The following VMP1 variants were observed in gnomAD, a reference collection of about 807,000 sequenced individuals.
VMP1 encodes the protein vacuole membrane protein 1.
In VMP1, 11 loss-of-function variants were observed where a neutral mutation model predicts 56.0. The ratio of observed to expected loss-of-function variants is 0.20; its 90% CI spans 0.12 to 0.32. The LOEUF is 0.32. Among genes scored for constraint, VMP1 ranks in the 10% least tolerant of loss-of-function variants. The pLI, the probability that VMP1 is intolerant of heterozygous loss-of-function variation, is 1.00. For synonymous variants in VMP1, 149 were observed against 165.0 expected (o/e 0.90, Z 0.74); for missense variants, 296 against 490.3 (o/e 0.60, Z 3.74).
intron 7 of VMP1, among the ~76,000 whole-genome samples, chr17:59,801,884 A>AAAAAC (rs906342032): frequency 3.4e-4 from 51 of 152,070 alleles, no homozygotes; most frequent in Middle Eastern, 3.4e-3. Flanking sequence ...ACTCCATCTC[A>AAAAAC]AAAACAAAAC....
At chr17:59,837,349 A>T (rs1354666258) in intron 10 of VMP1, among the ~76,000 whole-genome samples, 2 of 152,156 alleles carry the variant, frequency 1.3e-5, no homozygotes, top group African/African-American at 2.4e-5. Context: ...CCTATGTAAC[A>T]GGTAAGAAAC....
At position 59,805,485 on chromosome 17, in the gene VMP1, G is replaced by A. The variant is rs1208099550; in HGVS notation, c.715-3311G>A. On this transcript the variant is annotated intron_variant, in intron 7 of 11. Coordinates refer to ENST00000262291, the MANE Select transcript of VMP1 (RefSeq NM_030938.5). ...TTTTTTTCTTTATATAAACCAGTTGGTATAATTATACCTCTTTTCCTATTT... is the reference window on the plus strand; with the variant it reads ...TTTTTTTCTTTATATAAACCAGTTGATATAATTATACCTCTTTTCCTATTT... Among the ~76,000 whole-genome samples the A allele has an allele frequency of 4.6e-5, 7 of 151,942 alleles. No homozygotes were observed. The South Asian group carries it at 1.2e-3, about 27-fold the overall frequency.
chr17:59,732,326 A>T (rs949060014), intron 2 of VMP1, among the ~76,000 whole-genome samples: 1 of 151,954 alleles, frequency 6.6e-6, no homozygotes, highest in Non-Finnish European at 1.5e-5. Flanking sequence ...GCTCACTGCA[A>T]CCTCCGCCTC....
At chr17:59,780,522 G>C (rs2036781937) in intron 7 of VMP1, among the ~76,000 whole-genome samples, 1 of 152,198 alleles carries the variant, frequency 6.6e-6, no homozygotes, top group African/African-American at 2.4e-5. Flanking sequence ...GCAATAAAAA[G>C]TGAAGAACTA....
At chr17:59,801,936 C>G (rs2037681901) in intron 7 of VMP1, among the ~76,000 whole-genome samples, 1 of 152,076 alleles carries the variant, frequency 6.6e-6, no homozygotes, top group Admixed American at 6.6e-5. Context: ...TGTAGTGACT[C>G]ACGCCTGTAA....
intron 5 of VMP1, among the ~76,000 whole-genome samples, chr17:59,763,999 C>G (rs912667153): frequency 1.3e-5 from 2 of 152,146 alleles, no homozygotes; most frequent in Non-Finnish European, 2.9e-5. Context: ...TTAACCAACT[C>G]CCTAGTATGC....
chr17:59,824,148 G>A lies in VMP1; in HGVS notation c.974+6375G>A, dbSNP rs529681160. On this transcript the variant is annotated intron_variant, in intron 10 of 11. Transcript: ENST00000262291. The stretch of plus-strand genomic sequence containing the variant: ...CACCTGTCGTCCCAGCTACTCAGGA[G>A]GCTGAGGCAGGAGAATCACTTGAAC... Among the ~76,000 whole-genome samples, 28 of 151,996 alleles carry A rather than the reference G, an allele frequency of 1.8e-4. No individual in the cohort carries two copies. In the East Asian group the frequency reaches 5.1e-3, roughly 28 times the overall value.
chr17:59,781,013 A>T (rs2132715), intron 7 of VMP1, among the ~76,000 whole-genome samples: 28,762 of 152,146 alleles, frequency 0.19, 3,354 homozygotes, highest in East Asian at 0.44. Context: ...AGTTTCAGAT[A>T]AGGTGTATAA....
Position 59,717,452 on chromosome 17 carries a change from G to A in VMP1, c.-27+9704G>A, listed in dbSNP as rs1391193371. On this transcript the variant is annotated intron_variant, in intron 1 of 11. Transcript: ENST00000262291. ...GGCAGGAGTGCAGTGGCACTGTCTA[G>A]GCCCACTGCAACCTCCACCTCCCAG... Among the ~76,000 whole-genome samples the A allele has an allele frequency of 1.3e-4, 19 of 151,836 alleles. No individual in the cohort carries two copies. The South Asian group carries it at 1.7e-3, about 13-fold the overall frequency.
At chr17:59,783,471 T>C (rs947342406) in intron 7 of VMP1, among the ~76,000 whole-genome samples, 1 of 152,232 alleles carries the variant, frequency 6.6e-6, no homozygotes, top group African/African-American at 2.4e-5. Flanking sequence ...TGAATGAATG[T>C]AGCTTCCTCT....
intron 5 of VMP1, among the ~76,000 whole-genome samples, chr17:59,763,130 G>A (rs2036116752): frequency 6.6e-6 from 1 of 151,944 alleles, no homozygotes; most frequent in Non-Finnish European, 1.5e-5. Flanking sequence ...AATAGTAAAG[G>A]TGGAAGTTAC....
At chr17:59,829,730 T>C (rs927940049) in intron 10 of VMP1, among the ~76,000 whole-genome samples, 3 of 152,160 alleles carry the variant, frequency 2.0e-5, no homozygotes, top group Non-Finnish European at 4.4e-5. Flanking sequence ...GCTGATCTTC[T>C]CCCACACCCT....
At chr17:59,789,427 C>T (rs2037138209) in intron 7 of VMP1, among the ~76,000 whole-genome samples, 1 of 151,512 alleles carries the variant, frequency 6.6e-6, no homozygotes, top group Non-Finnish European at 1.5e-5. Flanking sequence ...CCCAATTACT[C>T]GGGAGACTGA....
intron 5 of VMP1, among the ~76,000 whole-genome samples, chr17:59,752,535 A>G (rs1249201014): frequency 1.3e-5 from 2 of 152,232 alleles, no homozygotes; most frequent in Non-Finnish European, 2.9e-5. Flanking sequence ...AGTTGTGCAT[A>G]TATGAGTTGT....
chr17:59,802,668 C>T (rs552388313), intron 7 of VMP1, among the ~76,000 whole-genome samples: 2 of 152,300 alleles, frequency 1.3e-5, no homozygotes, highest in African/African-American at 4.8e-5. Flanking sequence ...CGGGTTCAAG[C>T]GATTCTCTTG....
chr17:59,784,944 A>G (rs1013036073), intron 7 of VMP1: 2 of 152,186 alleles, frequency 1.3e-5, no homozygotes, highest in Admixed American at 1.3e-4. Context: ...GTAAAATTAT[A>G]TACTTTAGAA....
At chr17:59,788,476 G>T (rs1598395041) in intron 7 of VMP1, among the ~76,000 whole-genome samples, 1 of 148,988 alleles carries the variant, frequency 6.7e-6, no homozygotes, top group African/African-American at 2.5e-5. Flanking sequence ...GATGGAGAGA[G>T]ACTCAGTCTC....
chr17:59,801,777 C>T (rs1189712210), intron 7 of VMP1, among the ~76,000 whole-genome samples: 5 of 151,802 alleles, frequency 3.3e-5, no homozygotes, highest in Non-Finnish European at 7.4e-5. Flanking sequence ...TGCCTGTAAT[C>T]CCAGTTCAGG....
At chr17:59,770,058 G>A (rs141005642) in intron 6 of VMP1, among the ~76,000 whole-genome samples, 2 of 152,140 alleles carry the variant, frequency 1.3e-5, no homozygotes, top group African/African-American at 4.8e-5. Flanking sequence ...TGCTAATATG[G>A]GAAAACACTA....
Sources: allele counts gnomAD v4.1 joint callset (sites outside exome capture counted in the v4.1 genomes callset), GRCh38; gene constraint gnomAD v4.1.1; transcripts MANE v1.5; gene names NCBI Gene and HGNC (gene_info 2026-07-23, HGNC 2026-07-21).